Variants in RASSF1 observed in about 807,000 individuals in gnomAD.
RASSF1 encodes Ras association domain family member 1.
A neutral mutation model predicts 34.3 loss-of-function variants in RASSF1; 33 were observed. The ratio of observed to expected loss-of-function variants is 0.96; its 90% confidence interval spans 0.73 to 1.29. RASSF1 has a LOEUF of 1.29. Ranked by LOEUF, RASSF1 falls within the 50% of genes most tolerant of loss-of-function variation. RASSF1 has a pLI of 0.00. For synonymous variants in RASSF1, 191 were observed against 195.0 expected (o/e 0.98, Z 0.17); for missense variants, 445 against 471.8 (o/e 0.94, Z 0.53).
At position 50,332,089 on chromosome 3, in the gene RASSF1, C is replaced by T; in HGVS notation, c.423G>A (p.Glu141=). The change falls in exon 3 of 6, where the codon GAG becomes GAA. Residue 141 remains glutamate (E), a synonymous_variant. Transcript: ENST00000359365. The stretch of plus-strand genomic sequence containing the variant: ...GGTTGCTGTTGATCTGGGCATTGTA[C>T]TCCTTGATCTTCTGCTCAATCTCAG... The part of the protein sequence containing the change: ...SQAEIEQKIK[E]YNAQINSNLF... 1 of 1,614,194 alleles carries T rather than the reference C, an allele frequency of 6.2e-7. No individual in the cohort carries two copies. The highest frequency in any genetic ancestry group is 8.5e-7 in the Non-Finnish European group (1 of 1,180,028).
Position 50,330,472 on chromosome 3 carries a change from G to A in RASSF1, c.*109C>T. The stretch of plus-strand genomic sequence containing the variant: ...CTCTGGGCTCATTCCCCCAGCACAG[G>A]AGGGCCTCCATGCACACTCATTCCA... On this transcript the variant is annotated 3_prime_UTR_variant, in exon 6 of 6. Transcript: ENST00000359365. This position sits in a 1 kb window ranked among gnomAD's most constrained non-coding sequence, Gnocchi z 4.5. 2.8e-6 allele frequency: 4 copies of A among 1,441,192 alleles called. No individual in the cohort carries two copies. The highest frequency in any genetic ancestry group is 2.9e-6 in the Non-Finnish European group (3 of 1,050,580). The allele number at this position is 1,441,192 out of a possible 1,614,324, so 89.3% of individuals were successfully genotyped here. A position where few individuals can be genotyped will look rare whatever the true frequency, so the allele number is the denominator to read the frequency against.
intron 2 of RASSF1, chr3:50,337,699 G>A (rs1366533513): frequency 1.2e-5 from 10 of 840,240 alleles, no homozygotes; most frequent in African/African-American, 3.5e-5. Flanking sequence ...CCTGGGCCCG[G>A]GTCCGCTTGC....
At chr3:50,340,439 A>C (rs927257859) in intron 1 of RASSF1, 117 bp downstream of exon 1, 1 of 1,300,642 alleles carries the variant, frequency 7.7e-7, no homozygotes, top group Admixed American at 3.9e-5. Context: ...AAAGTAACGG[A>C]CCTAGTCCTC....
At chr3:50,335,200 G>A (rs753228970) in intron 2 of RASSF1, among the ~76,000 whole-genome samples, 2 of 151,900 alleles carry the variant, frequency 1.3e-5, no homozygotes, top group Non-Finnish European at 2.9e-5. Flanking sequence ...CACCCACCTC[G>A]GCTTTCCAAA....
At chr3:50,337,702 C>G (rs1676062810) in intron 2 of RASSF1, 2 of 836,088 alleles carry the variant, frequency 2.4e-6, no homozygotes, top group African/African-American at 3.5e-5. Flanking sequence ...GGGCCCGGGT[C>G]CGCTTGCAGC....
rs1486802191 is a variant in RASSF1 at position 50,330,483 on chromosome 3, T to C, written c.*98A>G. ...TTCCCCCAGCACAGGAGGGCCTCCA[T>C]GCACACTCATTCCACAGGCCCCACT... On this transcript the variant is annotated 3_prime_UTR_variant, in exon 6 of 6. Transcript: ENST00000359365. The surrounding 1 kb of genome is among the most constrained non-coding windows in gnomAD (Gnocchi z 4.5). 9 of 1,498,758 alleles carry C rather than the reference T, an allele frequency of 6.0e-6. No individual in the cohort carries two copies. In the African/African-American group the frequency reaches 1.2e-4, roughly 21 times the overall value. 92.8% of individuals were successfully genotyped at this position (1,498,758 alleles called of 1,614,324 possible).
Position 50,340,734 on chromosome 3 carries a change from G to T in RASSF1, c.72C>A (p.Thr24=). Residue 24 remains threonine (T), a synonymous_variant, in exon 1 of 6, where the codon ACC becomes ACA. Transcript: ENST00000359365. The part of the protein sequence containing the change: ...APAGRAGKGR[T]RLERANALRI... Reference sequence around the variant, plus strand: ...GCAGCGCGTTGGCACGCTCCAGCCGGGTGCGGCCCTTCCCAGCGCGCCCAG... The same window carrying T: ...GCAGCGCGTTGGCACGCTCCAGCCGTGTGCGGCCCTTCCCAGCGCGCCCAG... 6.6e-7 allele frequency: 1 copy of T among 1,517,274 alleles called. No homozygotes were observed. 94.0% of individuals were successfully genotyped at this position (1,517,274 alleles called of 1,614,324 possible).
chr3:50,334,622 GAGCTCCTACCTAACAATGAGAA>G (rs1435529959), intron 2 of RASSF1, among the ~76,000 whole-genome samples: 1 of 152,298 alleles, frequency 6.6e-6, no homozygotes, highest in African/African-American at 2.4e-5. Flanking sequence ...TGATGGCTCT[GAGCTCCTACCTAACAATGAGAA>G]AGCTTGCTCC....
chr3:50,331,524 C>A (rs73082910), intron 4 of RASSF1, 35 bp downstream of exon 4: 80,870 of 1,576,208 alleles, frequency 0.051, 2,320 homozygotes, highest in Non-Finnish European at 0.057. Flanking sequence ...TGCGTATATA[C>A]CCTCACATAG....
intron 2 of RASSF1, among the ~76,000 whole-genome samples, chr3:50,332,739 C>G (rs1702991482): frequency 6.6e-6 from 1 of 152,026 alleles, no homozygotes; most frequent in South Asian, 2.1e-4. Flanking sequence ...CTACAGTAAG[C>G]TATTATCGTG....
chr3:50,340,431 A>G, intron 1 of RASSF1, 125 bp downstream of exon 1: 1 of 1,275,658 alleles, frequency 7.8e-7, no homozygotes, highest in Non-Finnish European at 1.0e-6. Flanking sequence ...ATGGGGCGAA[A>G]GTAACGGACC....
At chr3:50,337,775 C>T (rs1021749317) in intron 2 of RASSF1, 130 bp downstream of exon 2, 5 of 1,043,796 alleles carry the variant, frequency 4.8e-6, no homozygotes, top group Admixed American at 5.4e-5. Context: ...CAGAATTAGC[C>T]TCTCTGTGCC....
chr3:50,337,594 G>C, intron 2 of RASSF1: 2 of 1,269,822 alleles, frequency 1.6e-6, no homozygotes, highest in Non-Finnish European at 2.2e-6. Flanking sequence ...AACGGGGGCG[G>C]GTGCCAGCGT....
At chr3:50,333,009 G>C (rs904058489) in intron 2 of RASSF1, among the ~76,000 whole-genome samples, 2 of 152,048 alleles carry the variant, frequency 1.3e-5, no homozygotes, top group Admixed American at 1.3e-4. Context: ...CAGGAGAATT[G>C]CTCAAACTCG....
intron 2 of RASSF1, 188 bp downstream of exon 2, chr3:50,337,717 G>T: frequency 1.2e-6 from 1 of 836,184 alleles, no homozygotes; most frequent in Non-Finnish European, 1.9e-6. Context: ...TGCAGCGGGT[G>T]GAGTACTTGC....
chr3:50,340,443 A>G, intron 1 of RASSF1, 113 bp downstream of exon 1: 4 of 1,311,568 alleles, frequency 3.0e-6, no homozygotes, highest in Non-Finnish European at 3.0e-6. Flanking sequence ...TAACGGACCT[A>G]GTCCTCGGGA....
rs782050403 is a variant in RASSF1 at position 50,330,478 on chromosome 3, C to T, written c.*103G>A. On this transcript the variant is annotated 3_prime_UTR_variant, in exon 6 of 6. Transcript: ENST00000359365. The surrounding 1 kb of genome is among the most constrained non-coding windows in gnomAD (Gnocchi z 4.5). ...GCTCATTCCCCCAGCACAGGAGGGC[C>T]TCCATGCACACTCATTCCACAGGCC... The T allele has an allele frequency of 2.0e-6, 3 of 1,476,332 alleles. No individual in the cohort carries two copies. In the African/African-American group the frequency reaches 4.2e-5, roughly 21 times the overall value. The allele number at this position is 1,476,332 out of a possible 1,614,324, so 91.5% of individuals were successfully genotyped here.
chr3:50,337,600 A>G (rs991549361), intron 2 of RASSF1: 15 of 1,229,694 alleles, frequency 1.2e-5, no homozygotes, highest in Middle Eastern at 1.9e-4. Flanking sequence ...GGCGGGTGCC[A>G]GCGTCCGGGC....
At position 50,331,697 on chromosome 3, in the gene RASSF1, T is replaced by C; in HGVS notation, c.622A>G (p.Lys208Glu). ...ACATGCAGGTGCTTGACAGCATCCTTGGGCAGGTAAAAGGAAGTGCGGCGC... is the reference window on the plus strand; with the variant it reads ...ACATGCAGGTGCTTGACAGCATCCTCGGGCAGGTAAAAGGAAGTGCGGCGC... ...VRRRTSFYLP[K>E]DAVKHLHVLS... The change falls in exon 4 of 6, where the codon AAG becomes GAG. Residue 208 changes from lysine (K) to glutamate (E), a missense_variant. Lys to Glu is a moderately conservative substitution (Grantham distance 56). Transcript: ENST00000359365. 1 of 1,613,186 alleles carries C rather than the reference T, an allele frequency of 6.2e-7. No homozygotes were observed. Among genetic ancestry groups the C allele is most frequent in the Non-Finnish European group, 8.5e-7 (1 of 1,179,440 alleles).
Sources: gnomAD v4.1 joint callset for allele counts (sites outside exome capture counted in the v4.1 genomes callset) on GRCh38, gnomAD v4.1.1 for gene constraint, Gnocchi (gnomAD v3.1) non-coding constraint, MANE v1.5 for transcripts, NCBI Gene and HGNC (gene_info 2026-07-23, HGNC 2026-07-21) for gene names.